Variants in PIP5K1B observed in about 807,000 individuals in gnomAD.
PIP5K1B encodes phosphatidylinositol 4-phosphate 5-kinase type-1 beta.
In PIP5K1B, 42 loss-of-function variants were observed where a neutral mutation model predicts 67.0. The observed-to-expected ratio is 0.63, with a 90% CI of 0.49 to 0.81. The LOEUF (loss-of-function observed/expected upper bound fraction) is 0.81, where lower values mean the gene tolerates loss of function less well. PIP5K1B is among the 30% of genes least tolerant of loss of function. The pLI, the probability that PIP5K1B is intolerant of heterozygous loss-of-function variation, is 0.00. For missense variants in PIP5K1B, 459 were observed against 646.3 expected, an observed-to-expected ratio of 0.71 and a Z score of 3.14; for synonymous variants, 214 against 231.4, an observed-to-expected ratio of 0.92 and a Z score of 0.68.
At chr9:68,737,408 G>A (rs1828791414) in intron 1 of PIP5K1B, among the ~76,000 whole-genome samples, 1 of 152,168 alleles carries the variant, frequency 6.6e-6, no homozygotes, top group Non-Finnish European at 1.5e-5. Context: ...AGGGCATAAG[G>A]CTAGCATGAA....
chr9:68,768,517 G>A (rs1325470592), intron 2 of PIP5K1B, among the ~76,000 whole-genome samples: 1 of 152,202 alleles, frequency 6.6e-6, no homozygotes, highest in Non-Finnish European at 1.5e-5. Flanking sequence ...GGCATAGACT[G>A]TAAAGTAAGG....
At chr9:68,958,482 C>T (rs370741326) in intron 14 of PIP5K1B, among the ~76,000 whole-genome samples, 2 of 152,144 alleles carry the variant, frequency 1.3e-5, no homozygotes, top group South Asian at 2.1e-4. Flanking sequence ...GGATTTGAAA[C>T]AGAGCATCCT....
chr9:68,708,268 A>G (rs1285687424), intron 1 of PIP5K1B: 2 of 152,132 alleles, frequency 1.3e-5, no homozygotes, highest in Non-Finnish European at 2.9e-5. Flanking sequence ...TATGGTTTGC[A>G]TAAAGTAAGT....
intron 14 of PIP5K1B, among the ~76,000 whole-genome samples, chr9:68,946,485 C>T (rs772367011): frequency 1.3e-5 from 2 of 152,014 alleles, no homozygotes; most frequent in African/African-American, 2.4e-5. Flanking sequence ...CTCCACCTCC[C>T]GGGTTCAAGC....
chr9:68,827,724 C>T (rs116310565), intron 4 of PIP5K1B, among the ~76,000 whole-genome samples: 8 of 152,086 alleles, frequency 5.3e-5, no homozygotes, highest in East Asian at 1.9e-4. Context: ...CCAATCAGTG[C>T]GACTACCAGA....
intron 4 of PIP5K1B, chr9:68,843,357 C>T (rs1822015693): frequency 6.6e-6 from 1 of 152,200 alleles, no homozygotes; most frequent in South Asian, 2.1e-4. Flanking sequence ...GTTCTACTCA[C>T]AGACCAATGT....
At chr9:68,788,847 A>G in intron 2 of PIP5K1B, 1 of 240,706 alleles carries the variant, frequency 4.2e-6, no homozygotes, top group Non-Finnish European at 8.4e-6. Flanking sequence ...TTTGACATAC[A>G]CTGGGATTGC....
intron 2 of PIP5K1B, among the ~76,000 whole-genome samples, chr9:68,778,746 C>T (rs1006158617): frequency 6.6e-6 from 1 of 152,180 alleles, no homozygotes; most frequent in East Asian, 1.9e-4. Flanking sequence ...CCTCCAGTGG[C>T]GTTTCATCAT....
chr9:68,815,322 A>C (rs1311614375), intron 2 of PIP5K1B, among the ~76,000 whole-genome samples: 1 of 152,026 alleles, frequency 6.6e-6, no homozygotes, highest in Non-Finnish European at 1.5e-5. Flanking sequence ...AATTTTTTTA[A>C]GAATCAGAAG....
At chr9:68,727,778 C>A (rs778737126) in intron 1 of PIP5K1B, 1 of 152,220 alleles carries the variant, frequency 6.6e-6, no homozygotes, top group Non-Finnish European at 1.5e-5. Context: ...AGCCGTCTCT[C>A]TACCCTACAA....
chr9:68,935,341 G>A (rs920728685), intron 13 of PIP5K1B, among the ~76,000 whole-genome samples: 31 of 152,152 alleles, frequency 2.0e-4, no homozygotes, highest in African/African-American at 5.8e-4. Flanking sequence ...GATAGCGGGC[G>A]CCTGTAATCC....
chr9:68,950,682 G>A (rs1462197866), intron 14 of PIP5K1B, among the ~76,000 whole-genome samples: 3 of 152,184 alleles, frequency 2.0e-5, no homozygotes, highest in Non-Finnish European at 4.4e-5. Flanking sequence ...TAGCTGGGGG[G>A]TCTGCAAGAA....
At chr9:68,833,914 A>T (rs1461569612) in intron 4 of PIP5K1B, among the ~76,000 whole-genome samples, 1 of 152,330 alleles carries the variant, frequency 6.6e-6, no homozygotes, top group Non-Finnish European at 1.5e-5. Context: ...GGGTGGCTGG[A>T]CATGGACTTG....
chr9:68,847,200 T>C (rs773872626), intron 4 of PIP5K1B, among the ~76,000 whole-genome samples: 7 of 151,872 alleles, frequency 4.6e-5, no homozygotes, highest in Non-Finnish European at 8.8e-5. Flanking sequence ...CTTAGCTAAA[T>C]ACATTCTTCT....
At chr9:68,763,456 A>T (rs1289231873) in intron 2 of PIP5K1B, among the ~76,000 whole-genome samples, 1 of 152,164 alleles carries the variant, frequency 6.6e-6, no homozygotes, top group Non-Finnish European at 1.5e-5. Flanking sequence ...TATATAAAAA[A>T]GCACTCAACG....
At position 68,992,924 on chromosome 9, in the gene PIP5K1B, C is replaced by T. The variant is rs548542571; in HGVS notation, c.1620+1667C>T. On this transcript the variant is annotated intron_variant, in intron 15 of 15. Coordinates refer to ENST00000265382, the MANE Select transcript of PIP5K1B (RefSeq NM_003558.4). ...CTGTAATCCCAGCACTTTGGGATGC[C>T]GAGGCAGGAGCATCAGGAGGTCAGG... is the stretch of plus-strand genomic sequence containing the variant. Among the ~76,000 whole-genome samples the T allele has an allele frequency of 7.5e-5, 11 of 147,068 alleles. No homozygotes were observed. The South Asian group carries it at 2.4e-3, about 32-fold the overall frequency.
intron 1 of PIP5K1B, chr9:68,705,993 C>G (rs1012019193): frequency 2.0e-5 from 3 of 152,248 alleles, no homozygotes; most frequent in African/African-American, 7.2e-5. Context: ...CGCTCGTCAC[C>G]CGGATCCCCG....
intron 14 of PIP5K1B, among the ~76,000 whole-genome samples, chr9:68,974,952 A>T (rs1461295094): frequency 6.6e-6 from 1 of 152,214 alleles, no homozygotes. Flanking sequence ...ACCTGAGTAG[A>T]GTCTGAAAGC....
chr9:68,959,989 C>T (rs1235934206), intron 14 of PIP5K1B, among the ~76,000 whole-genome samples: 1 of 152,172 alleles, frequency 6.6e-6, no homozygotes, highest in Non-Finnish European at 1.5e-5. Context: ...CTAAAGTTGG[C>T]TCCACTGCTT....
Sources: gnomAD v4.1 joint callset for allele counts (sites outside exome capture counted in the v4.1 genomes callset) on GRCh38, gnomAD v4.1.1 for gene constraint, MANE v1.5 for transcripts, NCBI Gene and HGNC (gene_info 2026-07-23, HGNC 2026-07-21) for gene names.